The following CFAP70 variants were observed in gnomAD, a reference collection of about 807,000 sequenced individuals.
CFAP70 encodes cilia- and flagella-associated protein 70.
CFAP70 carries 81 observed loss-of-function variants against 137.6 expected under a neutral mutation model. The observed-to-expected ratio is 0.59, with a 90% CI of 0.49 to 0.71. The LOEUF (loss-of-function observed/expected upper bound fraction) is 0.71, where lower values mean the gene tolerates loss of function less well. CFAP70 is among the 30% of genes least tolerant of loss of function. The pLI is 0.00. For synonymous variants in CFAP70, 382 were observed against 423.6 expected, an observed-to-expected ratio of 0.90 and a Z score of 1.20; for missense variants, 976 against 1,226.7, an observed-to-expected ratio of 0.80 and a Z score of 3.05.
chr10:73,283,911 A>T (rs2047451045), intron 19 of CFAP70, among the ~76,000 whole-genome samples: 3 of 152,202 alleles, frequency 2.0e-5, no homozygotes, highest in Admixed American at 6.5e-5. Flanking sequence ...TTGAGGTTTT[A>T]AAAATTATTA....
intron 1 of CFAP70, among the ~76,000 whole-genome samples, chr10:73,355,290 G>T (rs985893941): frequency 6.6e-6 from 1 of 152,168 alleles, no homozygotes; most frequent in African/African-American, 2.4e-5. Flanking sequence ...CAGATCAGTG[G>T]CAGCATTATA....
rs183100253 is a variant in CFAP70 at position 73,320,065 on chromosome 10, A to G, written c.912+2898T>C. Among the ~76,000 whole-genome samples the G allele has an allele frequency of 7.2e-5, 11 of 152,304 alleles. No individual in the cohort carries two copies. In the East Asian group the frequency reaches 1.7e-3, roughly 24 times the overall value. ...AGCTATCTTTCTGATATGTATTCAA[A>G]TATTTTCCCTAGTTCTTCAGTTACA... On this transcript the variant is annotated intron_variant, in intron 9 of 26. Transcript: ENST00000310715.
intron 7 of CFAP70, among the ~76,000 whole-genome samples, chr10:73,332,440 G>T (rs2052208636): frequency 1.3e-5 from 2 of 152,138 alleles, no homozygotes; most frequent in African/African-American, 4.8e-5. Flanking sequence ...ATCCTTATCT[G>T]ATCTCAGGGA....
chr10:73,298,984 A>C (rs2048736300), exon 14 of CFAP70: 1 of 1,613,886 alleles, frequency 6.2e-7, no homozygotes, highest in African/African-American at 1.3e-5. Context: ...TGCTCCTCCA[A>C]GGTTTCACTA....
At chr10:73,294,045 A>T (rs1017743414) in intron 15 of CFAP70, 1 of 152,226 alleles carries the variant, frequency 6.6e-6, no homozygotes, top group African/African-American at 2.4e-5. Flanking sequence ...TCAAAATAAT[A>T]TCAGTGATTT....
intron 9 of CFAP70, among the ~76,000 whole-genome samples, chr10:73,316,513 T>TGA (rs59559901): frequency 7.0e-6 from 1 of 143,410 alleles, no homozygotes; most frequent in Non-Finnish European, 1.5e-5. Flanking sequence ...TATATATATA[T>TGA]GACGTACACA....
At chr10:73,285,770 G>A (rs1373647477) in intron 19 of CFAP70, among the ~76,000 whole-genome samples, 1 of 151,584 alleles carries the variant, frequency 6.6e-6, no homozygotes, top group East Asian at 1.9e-4. Context: ...GAGTAGCTGG[G>A]ATTACAGGCG....
At chr10:73,338,243 C>T (rs1218065903) in intron 6 of CFAP70, among the ~76,000 whole-genome samples, 2 of 150,206 alleles carry the variant, frequency 1.3e-5, no homozygotes, top group Non-Finnish European at 3.0e-5. Context: ...CTCCGTGTCC[C>T]GGGTTCAAGC....
At chr10:73,331,122 G>C (rs1261155083) in intron 8 of CFAP70, 55 bp downstream of exon 9, 8 of 1,240,258 alleles carry the variant, frequency 6.5e-6, no homozygotes, top group South Asian at 2.6e-5. Context: ...CAGAATAACA[G>C]GTCGGGTCTG....
rs148797297 is a variant in CFAP70, at chr10:73,299,072, C to A, written c.1347G>T (p.Lys449Asn). ...CATCTAGAATGGCTCTAGAAATATT[C>A]TTGATCTGTATGTGGTAGTCACTCA... is the stretch of plus-strand genomic sequence containing the variant. Residue 449 changes from lysine to asparagine, a missense_variant, in exon 14 of 27, where the codon AAG (lysine) becomes AAT (asparagine). Physicochemically the swap from Lys to Asn is moderately conservative, Grantham distance 94. Transcript: ENST00000310715. The A allele has an allele frequency of 1.7e-4, 281 of 1,613,656 alleles. 1 individual carries two copies. In the African/African-American group the frequency reaches 3.3e-3, roughly 19 times the overall value.
chr10:73,256,356 A>C lies in CFAP70; in HGVS notation c.3075+13T>G, dbSNP rs115640299. 1.2e-3 allele frequency: 1,919 copies of C among 1,614,044 alleles called. 24 individuals carry two copies. The African/African-American group carries it at 0.022, about 19-fold the overall frequency. ...CATGGGGCAGGCAAATGACAGAGGC[A>C]TCTGTGTCATACCTTGATCATGTAC... On this transcript the variant is annotated intron_variant, in intron 26 of 26. Coordinates refer to ENST00000310715, the Ensembl canonical transcript of CFAP70.
At chr10:73,296,939 C>A (rs1421434756) in intron 15 of CFAP70, 103 bp downstream of exon 16, 28 of 1,376,604 alleles carry the variant, frequency 2.0e-5, no homozygotes, top group Admixed American at 1.5e-4. Context: ...ACAGAGCAGA[C>A]ACTTCAATAA....
intron 9 of CFAP70, among the ~76,000 whole-genome samples, chr10:73,313,546 A>G (rs2050104902): frequency 6.7e-6 from 1 of 149,724 alleles, no homozygotes; most frequent in Non-Finnish European, 1.5e-5. Flanking sequence ...CTGTCTCAAA[A>G]AAAAAAAAAA....
chr10:73,321,333 G>T (rs550230693), intron 9 of CFAP70, among the ~76,000 whole-genome samples: 3 of 152,224 alleles, frequency 2.0e-5, no homozygotes, highest in Admixed American at 6.5e-5. Context: ...CAGGAGAATT[G>T]CTTGAACCCG....
upstream of CFAP70, among the ~76,000 whole-genome samples, chr10:73,359,823 G>T (rs193214580): frequency 1.6e-4 from 25 of 152,192 alleles, no homozygotes; most frequent in East Asian, 1.9e-3. Flanking sequence ...CAACCAACAT[G>T]ATCAGGTGAT....
chr10:73,358,882 G>T (rs1316195165), upstream of CFAP70: 1 of 152,282 alleles, frequency 6.6e-6, no homozygotes, highest in African/African-American at 2.4e-5. Context: ...CCCTAGCGCC[G>T]GCTGCAGCCT....
At chr10:73,352,041 A>G (rs952327278) in intron 3 of CFAP70, among the ~76,000 whole-genome samples, 1 of 152,220 alleles carries the variant, frequency 6.6e-6, no homozygotes, top group Non-Finnish European at 1.5e-5. Context: ...CTGATACCAC[A>G]GTGGGTGTGG....
chr10:73,323,925 A>C (rs1013284524), intron 8 of CFAP70, among the ~76,000 whole-genome samples: 1 of 152,228 alleles, frequency 6.6e-6, no homozygotes, highest in African/African-American at 2.4e-5. Flanking sequence ...AAACAAAAAG[A>C]CAGCAGTAAC....
At chr10:73,356,963 A>G in intron 1 of CFAP70, among the ~76,000 whole-genome samples, 1 of 152,222 alleles carries the variant, frequency 6.6e-6, no homozygotes, top group East Asian at 1.9e-4. Flanking sequence ...TAAGATGTGA[A>G]CTCTCTAACC....
Sources: allele counts gnomAD v4.1 joint callset (sites outside exome capture counted in the v4.1 genomes callset), GRCh38; gene constraint gnomAD v4.1.1; transcripts MANE v1.5; gene names NCBI Gene and HGNC (gene_info 2026-07-23, HGNC 2026-07-21).